DLGAP2: variants seen among roughly 807,000 people sequenced by gnomAD.
DLGAP2 encodes the protein DLG associated protein 2, also known as disks large-associated protein 2.
DLGAP2 carries 26 observed loss-of-function variants against 100.3 expected under a neutral mutation model. The observed-to-expected ratio is 0.26, with a 90% confidence interval of 0.19 to 0.36. The LOEUF (loss-of-function observed/expected upper bound fraction) is 0.36, where lower values mean the gene tolerates loss of function less well. DLGAP2 is among the 10% of genes least tolerant of loss of function. The probability of loss-of-function intolerance (pLI) is 1.00; values close to 1 mark genes in which losing one functional copy is unlikely to be tolerated. For missense variants in DLGAP2, 1,858 were observed against 1,453.2 expected (o/e 1.28, Z -4.53); for synonymous variants, 886 against 630.1 (o/e 1.41, Z -6.08).
Position 1,668,718 on chromosome 8 carries a change from C to A in DLGAP2, c.2160+40C>A, listed in dbSNP as rs1335649971. On this transcript the variant is annotated intron_variant, in intron 9 of 14. Transcript: ENST00000637795. ...CCGCCCGTCAGGGCCTCGCTCCACT[C>A]AGTCCTGCCAATAGCCTAGAATAAG... 1.3e-5 allele frequency: 19 copies of A among 1,465,700 alleles called. 1 individual carries two copies. Among genetic ancestry groups the A allele is most frequent in the Non-Finnish European group, 1.6e-5 (18 of 1,103,844 alleles). The allele number at this position is 1,465,700 out of a possible 1,614,324, so 90.8% of individuals were successfully genotyped here. A position where few individuals can be genotyped will look rare whatever the true frequency, so the allele number is the denominator to read the frequency against.
intron 2 of DLGAP2, among the ~76,000 whole-genome samples, chr8:1,031,460 G>T (rs1462745451): frequency 6.6e-6 from 1 of 151,856 alleles, no homozygotes; most frequent in Non-Finnish European, 1.5e-5. Context: ...CACCCAAGCT[G>T]TGGTGCAGTG....
In DLGAP2 at chr8:1,555,101, A is replaced by G. The variant is rs375988063; in HGVS notation, c.1230+5418A>G. 1.3e-3 allele frequency among the ~76,000 whole-genome samples: 201 copies of G among 152,100 alleles called. 1 individual carries two copies. In the South Asian group the frequency reaches 0.018, roughly 14 times the overall value. On this transcript the variant is annotated intron_variant, in intron 5 of 14. Coordinates refer to ENST00000637795, the MANE Select transcript of DLGAP2 (RefSeq NM_001346810.2). ...AGATCTGGGGCCGTGAATGGATAGGAGAGTTGGGGTGTGGCCACACCTCAC... is the reference window on the plus strand; with the variant it reads ...AGATCTGGGGCCGTGAATGGATAGGGGAGTTGGGGTGTGGCCACACCTCAC...
intron 4 of DLGAP2, among the ~76,000 whole-genome samples, chr8:1,524,792 T>C (rs570043314): frequency 6.6e-6 from 1 of 152,156 alleles, no homozygotes; most frequent in East Asian, 1.9e-4. Context: ...ACCTGGGCTT[T>C]CTGTGAACAT....
chr8:1,616,200 A>T (rs914969717), intron 6 of DLGAP2, among the ~76,000 whole-genome samples: 1 of 152,188 alleles, frequency 6.6e-6, no homozygotes, highest in East Asian at 1.9e-4. Context: ...ATATTCTCAA[A>T]TATGAAAAAG....
intron 3 of DLGAP2, among the ~76,000 whole-genome samples, chr8:1,391,295 C>T (rs1199010278): frequency 2.6e-5 from 4 of 152,166 alleles, no homozygotes; most frequent in African/African-American, 4.8e-5. Context: ...AGAAAGCAAA[C>T]GGCCTGAGGT....
intron 5 of DLGAP2, among the ~76,000 whole-genome samples, chr8:1,550,122 CTA>C (rs1290799090): frequency 6.6e-6 from 1 of 152,184 alleles, no homozygotes; most frequent in African/African-American, 2.4e-5. Context: ...CATGTGGCCT[CTA>C]TCTGTGTGCG....
At chr8:1,360,297 G>T (rs1196274655) in intron 3 of DLGAP2, among the ~76,000 whole-genome samples, 2 of 61,794 alleles carry the variant, frequency 3.2e-5, no homozygotes, top group Non-Finnish European at 7.8e-5. Flanking sequence ...GGCTTCTCCG[G>T]GGCGGGGCTT....
intron 3 of DLGAP2, among the ~76,000 whole-genome samples, chr8:1,311,148 C>G (rs1292279544): frequency 1.3e-5 from 2 of 151,872 alleles, no homozygotes; most frequent in Non-Finnish European, 2.9e-5. Flanking sequence ...ATACTATGAA[C>G]AATTGTACAC....
intron 1 of DLGAP2, among the ~76,000 whole-genome samples, chr8:904,501 T>C (rs1798334584): frequency 1.3e-5 from 2 of 152,266 alleles, no homozygotes; most frequent in South Asian, 2.1e-4. Flanking sequence ...GCCTGGGCGA[T>C]AGAACAAGAC....
At chr8:1,441,893 A>G (rs60287460) in intron 3 of DLGAP2, among the ~76,000 whole-genome samples, 6 of 151,958 alleles carry the variant, frequency 3.9e-5, no homozygotes, top group East Asian at 1.9e-4. Flanking sequence ...GCACCTATCA[A>G]TGTGGTCCAT....
intron 1 of DLGAP2, among the ~76,000 whole-genome samples, chr8:882,837 C>A (rs1278482406): frequency 3.9e-5 from 6 of 152,258 alleles, no homozygotes; most frequent in Non-Finnish European, 1.5e-5. Flanking sequence ...CTTTCCTCTC[C>A]GTTCCCCTCC....
At chr8:1,432,740 G>T (rs1419082712) in intron 3 of DLGAP2, among the ~76,000 whole-genome samples, 2 of 152,222 alleles carry the variant, frequency 1.3e-5, no homozygotes, top group African/African-American at 4.8e-5. Flanking sequence ...GGCCTCTGGG[G>T]ACCTCCATGA....
At chr8:1,028,882 G>A (rs1246442325) in intron 2 of DLGAP2, among the ~76,000 whole-genome samples, 1 of 152,208 alleles carries the variant, frequency 6.6e-6, no homozygotes, top group South Asian at 2.1e-4. Flanking sequence ...ACAATGGCGG[G>A]ATGTGGAGGC....
chr8:1,320,555 C>T (rs1044004779), intron 3 of DLGAP2, among the ~76,000 whole-genome samples: 2 of 152,214 alleles, frequency 1.3e-5, no homozygotes, highest in Non-Finnish European at 2.9e-5. Flanking sequence ...ATAACCACCC[C>T]TGTGCTTGAG....
chr8:1,416,101 C>T (rs1295135994), intron 3 of DLGAP2, among the ~76,000 whole-genome samples: 1 of 152,192 alleles, frequency 6.6e-6, no homozygotes, highest in African/African-American at 2.4e-5. Context: ...GAGGACCCTG[C>T]ATAATATCTG....
chr8:983,749 C>T (rs999723010), intron 2 of DLGAP2, among the ~76,000 whole-genome samples: 1 of 152,186 alleles, frequency 6.6e-6, no homozygotes, highest in South Asian at 2.1e-4. Flanking sequence ...CTCAAGCAAT[C>T]CTTTCACCGC....
At chr8:1,092,669 C>G (rs1804224541) in intron 2 of DLGAP2, among the ~76,000 whole-genome samples, 1 of 152,184 alleles carries the variant, frequency 6.6e-6, no homozygotes, top group African/African-American at 2.4e-5. Context: ...CACACTGTCT[C>G]GTGCTGAGGT....
At chr8:970,701 C>A (rs774227014) in intron 2 of DLGAP2, among the ~76,000 whole-genome samples, 9 of 152,114 alleles carry the variant, frequency 5.9e-5, no homozygotes, top group Non-Finnish European at 1.0e-4. Context: ...ATTATTTTAA[C>A]AAATGGCTCT....
chr8:1,197,105 G>A (rs1797767846), intron 2 of DLGAP2, among the ~76,000 whole-genome samples: 1 of 145,414 alleles, frequency 6.9e-6, no homozygotes, highest in South Asian at 2.2e-4. Context: ...TTCTTCCTGG[G>A]CCCTCAGTGG....
Sources: allele counts gnomAD v4.1 joint callset (sites outside exome capture counted in the v4.1 genomes callset), GRCh38; gene constraint gnomAD v4.1.1; transcripts MANE v1.5; gene names NCBI Gene and HGNC (gene_info 2026-07-23, HGNC 2026-07-21).